Variants in ACVR1 observed in about 807,000 individuals in gnomAD.
ACVR1 encodes activin receptor type-1.
Under a neutral mutation model 57.1 loss-of-function variants are expected in ACVR1, and 38 were observed. The ratio of observed to expected loss-of-function variants is 0.67; its 90% CI spans 0.51 to 0.87. ACVR1 has a LOEUF of 0.87. Among genes scored for constraint, ACVR1 ranks in the 40% least tolerant of loss-of-function variants. The pLI, the probability that ACVR1 is intolerant of heterozygous loss-of-function variation, is 0.00. For missense variants in ACVR1, 463 were observed against 638.2 expected (o/e 0.73, Z 2.96); for synonymous variants, 212 against 228.1 (o/e 0.93, Z 0.63).
At chr2:157,858,485 T>C (rs1689612131) in intron 1 of ACVR1, among the ~76,000 whole-genome samples, 1 of 152,164 alleles carries the variant, frequency 6.6e-6, no homozygotes, top group Non-Finnish European at 1.5e-5. Flanking sequence ...TTATTTTTAT[T>C]TTTTGAGACA....
intron 4 of ACVR1, among the ~76,000 whole-genome samples, chr2:157,778,652 T>G (rs1473315478): frequency 1.3e-5 from 2 of 152,222 alleles, no homozygotes; most frequent in African/African-American, 4.8e-5. Flanking sequence ...TAACTTGGAT[T>G]TGGTATGTTT....
At chr2:157,863,214 T>C (rs1488153634) in intron 1 of ACVR1, among the ~76,000 whole-genome samples, 1 of 150,660 alleles carries the variant, frequency 6.6e-6, no homozygotes, top group Non-Finnish European at 1.5e-5. Context: ...GGTTTCACCA[T>C]GATGGCCAGG....
intron 9 of ACVR1, 112 bp from the exon 10 acceptor site, chr2:157,738,682 C>T: frequency 6.6e-7 from 1 of 1,521,548 alleles, no homozygotes; most frequent in South Asian, 1.1e-5. Context: ...TACTAATCAC[C>T]TTCCTCATAC....
intron 1 of ACVR1, among the ~76,000 whole-genome samples, chr2:157,831,126 C>T (rs1318426702): frequency 6.6e-6 from 1 of 152,170 alleles, no homozygotes; most frequent in Non-Finnish European, 1.5e-5. Context: ...TTCCCCACCC[C>T]ACTACCCATT....
chr2:157,863,011 C>CTTTTTT (rs374223805), intron 1 of ACVR1, among the ~76,000 whole-genome samples: 2 of 62,290 alleles, frequency 3.2e-5, no homozygotes, highest in African/African-American at 1.5e-4. Flanking sequence ...AGAACATTTA[C>CTTTTTT]TTTTTTTTTT....
Position 157,750,568 on chromosome 2 carries a change from C to T in ACVR1, c.1264+10312G>A, listed in dbSNP as rs150054216. On this transcript the variant is annotated intron_variant, in intron 9 of 10. Transcript: ENST00000434821. ...AACACACCCAGAATCAAAACCAAAGCGCCCTACCAACCCAATATAGGAGAC... is the reference window on the plus strand; with the variant it reads ...AACACACCCAGAATCAAAACCAAAGTGCCCTACCAACCCAATATAGGAGAC... 1.5e-3 allele frequency among the ~76,000 whole-genome samples: 230 copies of T among 152,088 alleles called. 1 individual carries two copies. Among genetic ancestry groups the T allele is most frequent in the African/African-American group, 5.3e-3 (219 of 41,502 alleles).
At chr2:157,820,807 G>T (rs926521828) in intron 1 of ACVR1, among the ~76,000 whole-genome samples, 2 of 151,940 alleles carry the variant, frequency 1.3e-5, no homozygotes, top group Non-Finnish European at 2.9e-5. Context: ...CATGCACTGG[G>T]TTTCTCGAAA....
At chr2:157,748,805 T>C (rs1685069055) in intron 9 of ACVR1, among the ~76,000 whole-genome samples, 1 of 152,152 alleles carries the variant, frequency 6.6e-6, no homozygotes, top group East Asian at 1.9e-4. Context: ...TAAAACTATA[T>C]AAATTACCCC....
At chr2:157,803,337 T>C (rs1305647307) in intron 2 of ACVR1, among the ~76,000 whole-genome samples, 3 of 152,058 alleles carry the variant, frequency 2.0e-5, no homozygotes, top group African/African-American at 7.2e-5. Flanking sequence ...TAAAGACAGC[T>C]CAAAATCTGC....
intron 1 of ACVR1, among the ~76,000 whole-genome samples, chr2:157,852,498 C>CAAA (rs548451104): frequency 5.6e-5 from 4 of 70,836 alleles, no homozygotes; most frequent in African/African-American, 1.5e-4. Context: ...GAGCCTGTCT[C>CAAA]AAAAAAAAAA....
chr2:157,769,192 T>C (rs945564790), intron 7 of ACVR1, among the ~76,000 whole-genome samples: 1 of 152,210 alleles, frequency 6.6e-6, no homozygotes. Context: ...GTATTAGTAG[T>C]AACTGAATGG....
chr2:157,847,816 G>A (rs1189491209), intron 1 of ACVR1, among the ~76,000 whole-genome samples: 1 of 152,230 alleles, frequency 6.6e-6, no homozygotes, highest in Non-Finnish European at 1.5e-5. Flanking sequence ...AAGAGATGGA[G>A]TTTGAACTGG....
At chr2:157,823,686 A>G (rs1688232823) in intron 1 of ACVR1, among the ~76,000 whole-genome samples, 1 of 151,092 alleles carries the variant, frequency 6.6e-6, no homozygotes, top group Non-Finnish European at 1.5e-5. Context: ...TTACTTAATT[A>G]CAGAGTGTAA....
At chr2:157,849,577 G>A (rs1035990055) in intron 1 of ACVR1, among the ~76,000 whole-genome samples, 8 of 152,280 alleles carry the variant, frequency 5.3e-5, no homozygotes, top group South Asian at 2.1e-4. Context: ...ACAGAATCAC[G>A]CATCGAAACT....
In ACVR1 at chr2:157,808,089, A is replaced by G. The variant is rs924744981; in HGVS notation, c.-7-8589T>C. 9.2e-5 allele frequency among the ~76,000 whole-genome samples: 14 copies of G among 152,164 alleles called. 1 individual carries two copies. Among genetic ancestry groups the G allele is most frequent in the Admixed American group, 7.9e-4 (12 of 15,282 alleles). On this transcript the variant is annotated intron_variant, in intron 2 of 10. Coordinates refer to ENST00000434821, the MANE Select transcript of ACVR1 (RefSeq NM_001111067.4). ...TCAGACCTTCTCACCCACCCCCATA[A>G]ACTATATTATCCCACCATATCTTCT...
intron 1 of ACVR1, among the ~76,000 whole-genome samples, chr2:157,847,848 CAGAG>C (rs1689170819): frequency 1.3e-5 from 2 of 152,096 alleles, no homozygotes; most frequent in Admixed American, 6.5e-5. Flanking sequence ...GGAGTGGAGA[CAGAG>C]AGCAGCTGAC....
intron 9 of ACVR1, among the ~76,000 whole-genome samples, chr2:157,750,711 T>A (rs1351398661): frequency 6.6e-6 from 1 of 150,616 alleles, no homozygotes; most frequent in Non-Finnish European, 1.5e-5. Flanking sequence ...CATGACACAG[T>A]AAAGGAACAC....
At chr2:157,778,075 A>C in intron 5 of ACVR1, 56 bp downstream of exon 5, 1 of 1,573,880 alleles carries the variant, frequency 6.4e-7, no homozygotes, top group Non-Finnish European at 8.7e-7. Flanking sequence ...CGAAATAAGA[A>C]CGTGTCTCCA....
chr2:157,868,325 A>C (rs989709788), intron 1 of ACVR1, among the ~76,000 whole-genome samples: 1 of 151,464 alleles, frequency 6.6e-6, no homozygotes, highest in Non-Finnish European at 1.5e-5. Context: ...TCTACTAAAA[A>C]TGAAAAAAAA....
Sources: gnomAD v4.1 joint callset for allele counts (sites outside exome capture counted in the v4.1 genomes callset) on GRCh38, gnomAD v4.1.1 for gene constraint, MANE v1.5 for transcripts, NCBI Gene and HGNC (gene_info 2026-07-23, HGNC 2026-07-21) for gene names.